The following ELAVL4 variants were observed in gnomAD, a reference collection of about 807,000 sequenced individuals.
ELAVL4 encodes the protein ELAV-like protein 4.
In ELAVL4, 1 loss-of-function variant was observed where a neutral mutation model predicts 35.6. That is an observed-to-expected ratio of 0.03 (90% CI 0.01 to 0.13). The LOEUF (loss-of-function observed/expected upper bound fraction) is 0.13. ELAVL4 is among the 10% of genes least tolerant of loss of function. ELAVL4 has a pLI of 1.00. For synonymous variants in ELAVL4, 156 were observed against 171.0 expected, an observed-to-expected ratio of 0.91 and a Z score of 0.69; for missense variants, 267 against 464.9, an observed-to-expected ratio of 0.57 and a Z score of 3.91.
chr1:50,108,459 C>T (rs1666550070), upstream of ELAVL4, among the ~76,000 whole-genome samples: 1 of 152,138 alleles, frequency 6.6e-6, no homozygotes, highest in African/African-American at 2.4e-5. Context: ...TTTAAGCCTA[C>T]AGGCAGATCA....
At chr1:50,070,459 G>A (rs551155752) in intron 1 of ELAVL4, among the ~76,000 whole-genome samples, 4 of 151,160 alleles carry the variant, frequency 2.6e-5, no homozygotes, top group East Asian at 1.9e-4. Context: ...AAATGCCACC[G>A]TGGCTGGGCG....
At chr1:50,154,349 T>G (rs1675341266) in intron 2 of ELAVL4, among the ~76,000 whole-genome samples, 1 of 151,976 alleles carries the variant, frequency 6.6e-6, no homozygotes, top group South Asian at 2.1e-4. Flanking sequence ...CTCTCTAAGG[T>G]GATGTACCCA....
At chr1:50,125,185 G>T (rs1011981370) in intron 1 of ELAVL4, among the ~76,000 whole-genome samples, 3 of 151,724 alleles carry the variant, frequency 2.0e-5, no homozygotes, top group Non-Finnish European at 2.9e-5. Flanking sequence ...GCTGCAGTAA[G>T]CTGTGATCAC....
At chr1:50,108,357 A>G (rs1666533323), upstream of ELAVL4, among the ~76,000 whole-genome samples, 2 of 152,166 alleles carry the variant, frequency 1.3e-5, no homozygotes, top group Non-Finnish European at 2.9e-5. Context: ...TTAGCTGGAG[A>G]AGGAGCATTA....
At chr1:50,083,423 G>A (rs922821925) in intron 1 of ELAVL4, among the ~76,000 whole-genome samples, 7 of 152,072 alleles carry the variant, frequency 4.6e-5, no homozygotes, top group African/African-American at 1.7e-4. Flanking sequence ...CACAGGTGAG[G>A]AAATTGGAAG....
chr1:50,198,868 G>A (rs551421838), intron 6 of ELAVL4, among the ~76,000 whole-genome samples: 1 of 152,246 alleles, frequency 6.6e-6, no homozygotes, highest in Admixed American at 6.5e-5. Context: ...CCAAAATGCT[G>A]CAATTAACTG....
chr1:50,085,949 C>G (rs564469348), intron 1 of ELAVL4, among the ~76,000 whole-genome samples: 1 of 152,214 alleles, frequency 6.6e-6, no homozygotes, highest in South Asian at 2.1e-4. Context: ...TAGATGTTTT[C>G]CCACATGTTT....
intron 1 of ELAVL4, among the ~76,000 whole-genome samples, chr1:50,085,425 G>A (rs1449065283): frequency 6.6e-6 from 1 of 152,188 alleles, no homozygotes; most frequent in Non-Finnish European, 1.5e-5. Flanking sequence ...GATGGCTTGT[G>A]GCCAAGGGTT....
At chr1:50,140,409 G>C (rs895818685) in intron 1 of ELAVL4, among the ~76,000 whole-genome samples, 1 of 152,224 alleles carries the variant, frequency 6.6e-6, no homozygotes, top group Non-Finnish European at 1.5e-5. Flanking sequence ...CTGTCCCTCT[G>C]TTTCCCAAGC....
chr1:50,165,435 T>C (rs932412959), intron 2 of ELAVL4, among the ~76,000 whole-genome samples: 1 of 149,976 alleles, frequency 6.7e-6, no homozygotes, highest in African/African-American at 2.5e-5. Context: ...GAGATATATA[T>C]ATATATAGAT....
At chr1:50,183,623 G>C (rs1057458730) in intron 3 of ELAVL4, among the ~76,000 whole-genome samples, 1 of 152,086 alleles carries the variant, frequency 6.6e-6, no homozygotes, top group Admixed American at 6.5e-5. Flanking sequence ...GCCTCCGGGG[G>C]TCTTTCCACA....
intron 1 of ELAVL4, among the ~76,000 whole-genome samples, chr1:50,077,373 G>A (rs1015978231): frequency 6.6e-6 from 1 of 152,190 alleles, no homozygotes; most frequent in Non-Finnish European, 1.5e-5. Flanking sequence ...TAGCAGGAAA[G>A]AATTGAAGTC....
intron 1 of ELAVL4, chr1:50,144,634 T>C: frequency 2.0e-6 from 1 of 511,602 alleles, no homozygotes; most frequent in East Asian, 4.7e-5. Flanking sequence ...TTAATTATAA[T>C]TTGGTGTGGC....
At chr1:50,072,145 A>C (rs1296583555) in intron 1 of ELAVL4, among the ~76,000 whole-genome samples, 1 of 152,234 alleles carries the variant, frequency 6.6e-6, no homozygotes, top group Non-Finnish European at 1.5e-5. Flanking sequence ...CCATGAGTGC[A>C]GTGAGTAAGA....
At chr1:50,081,581 A>G (rs917937289) in intron 1 of ELAVL4, among the ~76,000 whole-genome samples, 4 of 152,252 alleles carry the variant, frequency 2.6e-5, no homozygotes, top group Non-Finnish European at 4.4e-5. Flanking sequence ...GGGTGATGCT[A>G]ATGGATGTAG....
chr1:50,107,496 G>C (rs1170066589), upstream of ELAVL4, among the ~76,000 whole-genome samples: 2 of 152,134 alleles, frequency 1.3e-5, no homozygotes, highest in Non-Finnish European at 2.9e-5. Context: ...GGACAGAATA[G>C]TTTTAATCTT....
At chr1:50,156,022 C>T (rs1392469543) in intron 2 of ELAVL4, among the ~76,000 whole-genome samples, 1 of 146,570 alleles carries the variant, frequency 6.8e-6, no homozygotes. Context: ...CATGTGCGTG[C>T]ACAGGCACGC....
At position 50,058,968 on chromosome 1, in the gene ELAVL4, C is replaced by T. The variant is rs146961563; in HGVS notation, c.18+10786C>T. 4.3e-3 allele frequency among the ~76,000 whole-genome samples: 659 copies of T among 152,224 alleles called. 5 individuals carry two copies. The highest frequency in any genetic ancestry group is 0.015 in the African/African-American group (625 of 41,516). On this transcript the variant is annotated intron_variant, in intron 1 of 6. Transcript: ENST00000448907. Reference sequence around the variant, plus strand: ...TTCACTATTCTGGTTAATGGCACCACCATTTACCCAGTGGCCCTAGGCAGA... The same window carrying T: ...TTCACTATTCTGGTTAATGGCACCATCATTTACCCAGTGGCCCTAGGCAGA...
chr1:50,077,646 A>T (rs938662898), intron 1 of ELAVL4, among the ~76,000 whole-genome samples: 1 of 152,232 alleles, frequency 6.6e-6, no homozygotes, highest in East Asian at 1.9e-4. Context: ...AAGTTGATAC[A>T]TAAATTAACT....
Sources: gnomAD v4.1 joint callset for allele counts (sites outside exome capture counted in the v4.1 genomes callset) on GRCh38, gnomAD v4.1.1 for gene constraint, MANE v1.5 for transcripts, NCBI Gene and HGNC (gene_info 2026-07-23, HGNC 2026-07-21) for gene names.